The following PALLD variants were observed in gnomAD, a reference collection of about 807,000 sequenced individuals.
The protein encoded by PALLD is palladin, cytoskeletal associated protein.
A neutral mutation model predicts 123.5 loss-of-function variants in PALLD; 61 were observed. The observed-to-expected ratio is 0.49, with a 90% CI of 0.40 to 0.61. The LOEUF (loss-of-function observed/expected upper bound fraction) is 0.61. PALLD is among the 20% of genes least tolerant of loss of function. The pLI, the probability that PALLD is intolerant of heterozygous loss-of-function variation, is 0.00. For missense variants in PALLD, 1,273 were observed against 1,377.0 expected, an observed-to-expected ratio of 0.92 and a Z score of 1.20; for synonymous variants, 465 against 496.4, an observed-to-expected ratio of 0.94 and a Z score of 0.84.
intron 2 of PALLD, among the ~76,000 whole-genome samples, chr4:168,571,192 A>G (rs1768945046): frequency 6.6e-6 from 1 of 152,120 alleles, no homozygotes; most frequent in Non-Finnish European, 1.5e-5. Context: ...GAAGCTTTCC[A>G]GAGTTTCTTC....
intron 11 of PALLD, among the ~76,000 whole-genome samples, chr4:168,893,815 G>A (rs1038423560): frequency 6.6e-6 from 1 of 152,180 alleles, no homozygotes; most frequent in Non-Finnish European, 1.5e-5. Context: ...TGCTAGCTGC[G>A]AGATGCAAGA....
At chr4:168,571,951 G>A (rs1173541072) in intron 2 of PALLD, among the ~76,000 whole-genome samples, 3 of 152,164 alleles carry the variant, frequency 2.0e-5, no homozygotes, top group African/African-American at 4.8e-5. Context: ...GCCAGGCCGG[G>A]CATGGTGGTT....
intron 10 of PALLD, among the ~76,000 whole-genome samples, chr4:168,830,346 G>A (rs1234331168): frequency 1.4e-5 from 2 of 147,502 alleles, no homozygotes; most frequent in Admixed American, 6.9e-5. Context: ...ACAACATAGC[G>A]AGACGTTGTC....
intron 10 of PALLD, among the ~76,000 whole-genome samples, chr4:168,802,569 G>A (rs763650000): frequency 9.2e-5 from 14 of 152,216 alleles, no homozygotes; most frequent in Non-Finnish European, 1.8e-4. Context: ...CACTGCAGAC[G>A]ACTAGAGTTG....
intron 12 of PALLD, chr4:168,894,887 T>A: frequency 1.5e-6 from 1 of 669,888 alleles, no homozygotes; most frequent in Non-Finnish European, 2.5e-6. Context: ...CCATCAGTGA[T>A]ACCTGTTCTT....
chr4:168,527,422 C>CAAAAAAAAGAAAAAAA (rs1764165071), intron 2 of PALLD, among the ~76,000 whole-genome samples: 1 of 52,916 alleles, frequency 1.9e-5, no homozygotes, highest in Non-Finnish European at 3.0e-5. Flanking sequence ...AACTCCATCT[C>CAAAAAAAAGAAAAAAA]AAAAAAAAAA....
chr4:168,680,848 A>G (rs1017518547), intron 3 of PALLD, among the ~76,000 whole-genome samples: 1 of 152,158 alleles, frequency 6.6e-6, no homozygotes. Context: ...AATGCAAGTG[A>G]ATTTGGGAAG....
chr4:168,679,455 TGAGTATGGAC>T (rs2150075278), intron 3 of PALLD, among the ~76,000 whole-genome samples: 1 of 84,086 alleles, frequency 1.2e-5, no homozygotes, highest in African/African-American at 5.4e-5. Context: ...TGTGGTGGGG[TGAGTATGGAC>T]GTGTGTGGGG....
rs35555541 is a variant in PALLD at position 168,527,422 on chromosome 4, C to CAAAAAAAAAAAAAAAAAAAAA, written c.908+15012_908+15032dup. 7.2e-4 allele frequency among the ~76,000 whole-genome samples: 38 copies of CAAAAAAAAAAAAAAAAAAAAA among 52,910 alleles called. 7 individuals are homozygous for CAAAAAAAAAAAAAAAAAAAAA. Among genetic ancestry groups the CAAAAAAAAAAAAAAAAAAAAA allele is most frequent in the African/African-American group, 1.8e-3 (16 of 8,858 alleles). 34.7% of individuals were successfully genotyped at this position (52,910 alleles called of 152,430 possible). A position where few individuals can be genotyped will look rare whatever the true frequency, so the allele number is the denominator to read the frequency against. ...GGGCAACAGGAGTGAAACTCCATCT[C>CAAAAAAAAAAAAAAAAAAAAA]AAAAAAAAAAAAAAAAAAAAAAGTC... On this transcript the variant is annotated intron_variant, in intron 2 of 21. Transcript: ENST00000505667.
rs1466429987 is a variant in PALLD, at chr4:168,869,747, G to C, written c.1965-21175G>C. Among the ~76,000 whole-genome samples the C allele has an allele frequency of 6.6e-6, 1 of 152,168 alleles. No individual in the cohort carries two copies. The highest frequency in any genetic ancestry group is 1.5e-5 in the Non-Finnish European group (1 of 68,030). On this transcript the variant is annotated intron_variant, in intron 10 of 21. Coordinates refer to ENST00000505667, the MANE Select transcript of PALLD (RefSeq NM_001166108.2). The surrounding 1 kb of genome is among the most constrained non-coding windows in gnomAD (Gnocchi z 4.5). The stretch of plus-strand genomic sequence containing the variant: ...CTCTGTCTAGACATAAGTTTGAAGT[G>C]AAGTAGCACATTTATGTTACATGGA...
At chr4:168,903,963 A>G in intron 15 of PALLD, 57 bp downstream of exon 15, 1 of 1,474,912 alleles carries the variant, frequency 6.8e-7, no homozygotes, top group East Asian at 2.3e-5. Context: ...CAGGCATTTG[A>G]TTAGACAAAG....
intron 10 of PALLD, among the ~76,000 whole-genome samples, chr4:168,859,283 G>T (rs1448972170): frequency 6.6e-6 from 1 of 152,180 alleles, no homozygotes; most frequent in Non-Finnish European, 1.5e-5. Flanking sequence ...ACAGCTGCTG[G>T]CAGGACTGAC....
At chr4:168,913,726 GTTC>G (rs555463657) in intron 15 of PALLD, among the ~76,000 whole-genome samples, 198 bp from the exon 16 acceptor site, 41 of 152,068 alleles carry the variant, frequency 2.7e-4, no homozygotes, top group African/African-American at 9.4e-4. Flanking sequence ...TCACCTTCAA[GTTC>G]TTCAAGTAAA....
At position 168,816,411 on chromosome 4, in the gene PALLD, A is replaced by ATTTTT. The variant is rs201234473; in HGVS notation, c.1965-74510_1965-74509insTTTTT. Among the ~76,000 whole-genome samples, 165 of 113,688 alleles carry ATTTTT rather than the reference A, an allele frequency of 1.5e-3. 1 individual carries two copies. The East Asian group carries it at 0.022, about 15-fold the overall frequency. 74.6% of individuals were successfully genotyped at this position (113,688 alleles called of 152,430 possible). A position where few individuals can be genotyped will look rare whatever the true frequency, so the allele number is the denominator to read the frequency against. On this transcript the variant is annotated intron_variant, in intron 10 of 21. Transcript: ENST00000505667. Reference sequence around the variant, plus strand: ...TGTGTATATATATATATATATATATATATTTTTTTTAAGTATTAGATTGGA... The same window carrying ATTTTT: ...TGTGTATATATATATATATATATATATTTTTTATTTTTTTTAAGTATTAGATTGGA...
chr4:168,804,199 T>A (rs1325784129), intron 10 of PALLD, among the ~76,000 whole-genome samples: 1 of 152,224 alleles, frequency 6.6e-6, no homozygotes. Flanking sequence ...GTTCCTTCTG[T>A]GTAGAGCGAA....
At chr4:168,787,577 G>A (rs560030516) in intron 10 of PALLD, among the ~76,000 whole-genome samples, 12 of 152,346 alleles carry the variant, frequency 7.9e-5, no homozygotes, top group Admixed American at 3.9e-4. Flanking sequence ...ATACCCAGAT[G>A]TGGCCAGTGG....
intron 2 of PALLD, among the ~76,000 whole-genome samples, chr4:168,593,436 C>CAAAAAAAAAAAAAAA (rs771493669): frequency 2.5e-4 from 26 of 103,268 alleles, no homozygotes; most frequent in South Asian, 6.0e-4. Flanking sequence ...AGTCACCAGG[C>CAAAAAAAAAAAAAAA]AAAAAAAAAA....
chr4:168,921,841 T>C, intron 18 of PALLD, 100 bp downstream of exon 18: 4 of 947,294 alleles, frequency 4.2e-6, no homozygotes, highest in Non-Finnish European at 5.1e-6. Flanking sequence ...AAATAAAGTA[T>C]TGAAAAAATA....
chr4:168,787,414 A>G (rs1736906119), intron 10 of PALLD, among the ~76,000 whole-genome samples: 1 of 152,194 alleles, frequency 6.6e-6, no homozygotes, highest in Non-Finnish European at 1.5e-5. Flanking sequence ...TTTTCTTACA[A>G]TTGAGCATTT....
Sources: allele counts gnomAD v4.1 joint callset (sites outside exome capture counted in the v4.1 genomes callset), GRCh38; gene constraint gnomAD v4.1.1; non-coding constraint Gnocchi (gnomAD v3.1); transcripts MANE v1.5; gene names NCBI Gene and HGNC (gene_info 2026-07-23, HGNC 2026-07-21).